Variants in LOXHD1 observed in about 807,000 individuals in gnomAD.
LOXHD1 encodes the protein lipoxygenase homology PLAT domains 1, also known as lipoxygenase homology domain-containing protein 1.
A neutral mutation model predicts 248.2 loss-of-function variants in LOXHD1; 205 were observed. The ratio of observed to expected loss-of-function variants is 0.83; its 90% CI spans 0.74 to 0.93. The LOEUF (loss-of-function observed/expected upper bound fraction) is 0.93, where lower values mean the gene tolerates loss of function less well. Among genes scored for constraint, LOXHD1 ranks in the 40% least tolerant of loss-of-function variants. The pLI is 0.00. For missense variants in LOXHD1, 2,930 were observed against 2,971.6 expected (o/e 0.99, Z 0.33); for synonymous variants, 1,113 against 1,162.8 (o/e 0.96, Z 0.87).
chr18:46,552,417 T>C (rs1300743491), intron 21 of LOXHD1, among the ~76,000 whole-genome samples: 1 of 152,202 alleles, frequency 6.6e-6, no homozygotes, highest in Non-Finnish European at 1.5e-5. Context: ...GGCAATTGAA[T>C]TGCAGATCAA....
intron 29 of LOXHD1, among the ~76,000 whole-genome samples, chr18:46,527,182 C>T (rs2035867225): frequency 6.6e-6 from 1 of 151,308 alleles, no homozygotes; most frequent in Non-Finnish European, 1.5e-5. Context: ...TGGCTTGCAT[C>T]ACCTTCATTT....
chr18:46,489,175 G>A, intron 37 of LOXHD1, 33 bp from the exon 38 acceptor site: 1 of 1,550,208 alleles, frequency 6.5e-7, no homozygotes, highest in Non-Finnish European at 8.7e-7. Flanking sequence ...GTTGGAAGCT[G>A]GATGTGCCTT....
chr18:46,565,050 G>C (rs1156871208), intron 17 of LOXHD1, among the ~76,000 whole-genome samples: 2 of 152,074 alleles, frequency 1.3e-5, no homozygotes, highest in African/African-American at 4.8e-5. Flanking sequence ...GATCACTGGG[G>C]GTCAGGAGTT....
At chr18:46,617,214 T>C (rs1254265719) in intron 5 of LOXHD1, among the ~76,000 whole-genome samples, 1 of 152,220 alleles carries the variant, frequency 6.6e-6, no homozygotes, top group Non-Finnish European at 1.5e-5. Context: ...TATCAATTTC[T>C]CAGTATTTTT....
rs907441413 is a variant in LOXHD1 at position 46,629,339 on chromosome 18, T to C, written c.511+10277A>G. 3.9e-5 allele frequency among the ~76,000 whole-genome samples: 6 copies of C among 152,222 alleles called. No homozygotes were observed. The South Asian group carries it at 6.2e-4, about 16-fold the overall frequency. On this transcript the variant is annotated intron_variant, in intron 4 of 40. Transcript: ENST00000642948. ...TAATGATTTAATTACTCTACGATAA[T>C]ATCCTATAGAATCTGGGAATAAGTC...
intron 18 of LOXHD1, 139 bp downstream of exon 18, chr18:46,562,926 A>G: frequency 1.0e-6 from 1 of 989,068 alleles, no homozygotes; most frequent in Non-Finnish European, 1.4e-6. Context: ...GTCTGGAGAG[A>G]GGAAGCATTT....
At chr18:46,508,735 T>C (rs565986422) in intron 35 of LOXHD1, among the ~76,000 whole-genome samples, 3 of 152,340 alleles carry the variant, frequency 2.0e-5, no homozygotes, top group African/African-American at 4.8e-5. Context: ...TTTGTCGGCA[T>C]AGTCATTGCC....
chr18:46,615,075 A>T (rs992835072), intron 5 of LOXHD1, among the ~76,000 whole-genome samples: 2 of 152,234 alleles, frequency 1.3e-5, no homozygotes, highest in African/African-American at 4.8e-5. Flanking sequence ...ATCAGGCTAC[A>T]TCATATAGTG....
At chr18:46,609,202 T>A (rs755354905) in intron 6 of LOXHD1, among the ~76,000 whole-genome samples, 1 of 152,154 alleles carries the variant, frequency 6.6e-6, no homozygotes, top group Admixed American at 6.5e-5. Flanking sequence ...AGGCAACAAA[T>A]TGGAGGATGA....
chr18:46,492,648 T>C (rs1029043258), intron 37 of LOXHD1, among the ~76,000 whole-genome samples: 1 of 152,244 alleles, frequency 6.6e-6, no homozygotes, highest in Admixed American at 6.5e-5. Flanking sequence ...AGGAACCATC[T>C]GAAATTGACA....
chr18:46,639,354 G>A (rs2038933458), intron 4 of LOXHD1, among the ~76,000 whole-genome samples: 1 of 152,224 alleles, frequency 6.6e-6, no homozygotes, highest in African/African-American at 2.4e-5. Flanking sequence ...GATTTGCTCA[G>A]GGCTGTGCCT....
At chr18:46,559,045 T>G (rs991455345) in intron 20 of LOXHD1, 2 of 845,134 alleles carry the variant, frequency 2.4e-6, no homozygotes, top group African/African-American at 3.5e-5. Context: ...TCTTCCACTG[T>G]TGCCTTTATA....
intron 20 of LOXHD1, among the ~76,000 whole-genome samples, chr18:46,558,570 G>A (rs924687258): frequency 5.3e-5 from 8 of 152,172 alleles, no homozygotes; most frequent in Admixed American, 1.3e-4. Flanking sequence ...AGAAAAAGCA[G>A]GGGGCCCCTG....
At chr18:46,502,317 A>G (rs1271242124) in intron 37 of LOXHD1, among the ~76,000 whole-genome samples, 1 of 152,208 alleles carries the variant, frequency 6.6e-6, no homozygotes, top group East Asian at 1.9e-4. Context: ...CCCGAGAAAC[A>G]GGCTGAGACA....
At chr18:46,506,157 G>T in intron 36 of LOXHD1, 134 bp from the exon 37 acceptor site, 1 of 880,184 alleles carries the variant, frequency 1.1e-6, no homozygotes, top group Non-Finnish European at 1.7e-6. Flanking sequence ...AGAAGGCCAG[G>T]GGTGAGGTTG....
chr18:46,507,499 T>C, intron 36 of LOXHD1, 39 bp downstream of exon 36: 1 of 1,549,708 alleles, frequency 6.5e-7, no homozygotes, highest in Non-Finnish European at 8.7e-7. Flanking sequence ...ACGGTTGGAG[T>C]GGTAAGGGAG....
At position 46,522,218 on chromosome 18, in the gene LOXHD1, A is replaced by T; in HGVS notation, c.4968T>A (p.Asp1656Glu). The T allele has an allele frequency of 6.4e-7, 1 of 1,551,812 alleles. No homozygotes were observed. The highest frequency in any genetic ancestry group is 8.7e-7 in the Non-Finnish European group (1 of 1,147,028). The stretch of plus-strand genomic sequence containing the variant: ...CCAACCAGATGCGCTTACTACGTTC[A>T]TCATCCTCCCCGATGAGAAAGATGA... ...RAFIFLIGED[D>E]ERSKRIWLDY... Residue 1656 changes from aspartate (D) to glutamate (E), a missense_variant, in exon 32 of 41, where the codon GAT (aspartate) becomes GAA (glutamate). Coordinates refer to ENST00000642948, the MANE Select transcript of LOXHD1 (RefSeq NM_001384474.1).
chr18:46,601,338 A>T lies in LOXHD1; in HGVS notation c.1013T>A (p.Val338Glu). The T allele has an allele frequency of 6.4e-7, 1 of 1,551,712 alleles. No individual in the cohort carries two copies. The highest frequency in any genetic ancestry group is 1.2e-5 in the South Asian group (1 of 84,060). The change falls in exon 8 of 41, where the codon GTG becomes GAG. Residue 338 changes from valine to glutamate, a missense_variant. Coordinates refer to ENST00000642948, the MANE Select transcript of LOXHD1 (RefSeq NM_001384474.1). ...NSGKIFLEGGVFDRGRTDIFH... is the reference protein window; with the variant it reads ...NSGKIFLEGGEFDRGRTDIFH... ...GATGTCCGTGCGGCCTCGGTCAAACACGCCGCCCTCCAGGAAGATTTTCCC... is the reference window on the plus strand; with the variant it reads ...GATGTCCGTGCGGCCTCGGTCAAACTCGCCGCCCTCCAGGAAGATTTTCCC...
chr18:46,570,870 C>T (rs1185380368), intron 15 of LOXHD1, among the ~76,000 whole-genome samples: 1 of 152,186 alleles, frequency 6.6e-6, no homozygotes, highest in Non-Finnish European at 1.5e-5. Flanking sequence ...GATCTAAACG[C>T]TTTCAGACGC....
Sources: allele counts gnomAD v4.1 joint callset (sites outside exome capture counted in the v4.1 genomes callset), GRCh38; gene constraint gnomAD v4.1.1; transcripts MANE v1.5; gene names NCBI Gene and HGNC (gene_info 2026-07-23, HGNC 2026-07-21).